Variants in EVC observed in about 807,000 individuals in gnomAD.
The protein encoded by EVC is EvC ciliary complex subunit 1.
In EVC, 116 loss-of-function variants were observed where a neutral mutation model predicts 118.9. The observed-to-expected ratio is 0.98, with a 90% CI of 0.84 to 1.14. The LOEUF is 1.14. Among genes scored for constraint, EVC ranks in the 50% most tolerant of loss-of-function variants. The pLI is 0.00. For synonymous variants in EVC, 619 were observed against 534.7 expected, an observed-to-expected ratio of 1.16 and a Z score of -2.18; for missense variants, 1,401 against 1,246.4, an observed-to-expected ratio of 1.12 and a Z score of -1.87.
chr4:5,752,627 G>A (rs564765464), intron 8 of EVC: 39 of 639,976 alleles, frequency 6.1e-5, no homozygotes, highest in Non-Finnish European at 8.4e-5. Context: ...CAGCCTCCCC[G>A]CACCCTAGGA....
At chr4:5,724,681 G>A (rs759772794) in intron 2 of EVC, among the ~76,000 whole-genome samples, 1 of 146,370 alleles carries the variant, frequency 6.8e-6, no homozygotes, top group Non-Finnish European at 1.5e-5. Flanking sequence ...GGTAGCGTAC[G>A]TTGGTGGTTT....
downstream of EVC, among the ~76,000 whole-genome samples, chr4:5,815,050 A>G (rs1441598255): frequency 6.6e-6 from 1 of 152,214 alleles, no homozygotes; most frequent in African/African-American, 2.4e-5. Context: ...CCTTACCCAG[A>G]TCCTCCAAAT....
the EVC span, among the ~76,000 whole-genome samples, chr4:5,823,335 A>G: frequency 6.6e-6 from 1 of 152,194 alleles, no homozygotes; most frequent in Non-Finnish European, 1.5e-5. Flanking sequence ...TTCTTGCAAT[A>G]CAAGTCTCCC....
intron 12 of EVC, among the ~76,000 whole-genome samples, chr4:5,784,433 C>T (rs536719694): frequency 6.6e-6 from 1 of 151,994 alleles, no homozygotes; most frequent in Non-Finnish European, 1.5e-5. Context: ...CACATTCTCC[C>T]CTATAGCCTC....
At chr4:5,745,391 G>T (rs144142557) in intron 7 of EVC, 50 bp downstream of exon 7, 12 of 1,594,854 alleles carry the variant, frequency 7.5e-6, no homozygotes, top group Non-Finnish European at 1.0e-5. Flanking sequence ...TCCTAAAACA[G>T]TTAAATTGGC....
chr4:5,777,777 G>C (rs1331116615), intron 11 of EVC, among the ~76,000 whole-genome samples: 1 of 152,102 alleles, frequency 6.6e-6, no homozygotes, highest in African/African-American at 2.4e-5. Context: ...CAGGGTTGGC[G>C]ATGAGCTTAA....
At chr4:5,793,417 T>TG (rs1713161262) in intron 12 of EVC, 191 bp from the exon 13 acceptor site, 2 of 633,970 alleles carry the variant, frequency 3.2e-6, no homozygotes, top group Non-Finnish European at 5.7e-6. Flanking sequence ...TTTGCATTTT[T>TG]CCTAAATGCA....
At chr4:5,760,409 A>G (rs1294991047) in intron 11 of EVC, among the ~76,000 whole-genome samples, 1 of 151,980 alleles carries the variant, frequency 6.6e-6, no homozygotes, top group Non-Finnish European at 1.5e-5. Flanking sequence ...ACATCAGGAG[A>G]GGGTGACAGG....
At chr4:5,822,616 G>A in the EVC span, among the ~76,000 whole-genome samples, 6 of 152,266 alleles carry the variant, frequency 3.9e-5, no homozygotes, top group African/African-American at 1.4e-4. Flanking sequence ...AGTGCCTGGA[G>A]CTCAACAAAT....
At position 5,811,162 on chromosome 4, in the gene EVC, G is replaced by C. The variant is rs1716860488; in HGVS notation, c.*125G>C. 5 of 756,758 alleles carry C rather than the reference G, an allele frequency of 6.6e-6. No homozygotes were observed. The highest frequency in any genetic ancestry group is 6.1e-5 in the South Asian group (4 of 65,168). 46.9% of individuals were successfully genotyped at this position (756,758 alleles called of 1,614,324 possible). ...CAGCGGCATCTCTAGGCTCTTCTGA[G>C]AGGGACAGAGAAAGAATAGAAATGT... is the stretch of plus-strand genomic sequence containing the variant. On this transcript the variant is annotated 3_prime_UTR_variant, in exon 21 of 21. Coordinates refer to ENST00000264956, the MANE Select transcript of EVC (RefSeq NM_153717.3).
At position 5,756,142 on chromosome 4, in the gene EVC, A is replaced by T. The variant is rs1731129722; in HGVS notation, c.1465-122A>T. On this transcript the variant is annotated intron_variant, in intron 10 of 20. Transcript: ENST00000264956. The surrounding 1 kb of genome is among the most constrained non-coding windows in gnomAD (Gnocchi z 4.2). ...CCCATGCCTCAGTTTCCTTGTGTGT[A>T]ATACAGGTGCCAACATCCTTCTTTC... 1.3e-6 allele frequency: 1 copy of T among 769,016 alleles called. No individual in the cohort carries two copies. The highest frequency in any genetic ancestry group is 2.2e-6 in the Non-Finnish European group (1 of 450,054). 47.6% of individuals were successfully genotyped at this position (769,016 alleles called of 1,614,324 possible). A position where few individuals can be genotyped will look rare whatever the true frequency, so the allele number is the denominator to read the frequency against.
intron 11 of EVC, among the ~76,000 whole-genome samples, chr4:5,766,222 G>A (rs531628137): frequency 9.9e-5 from 15 of 151,632 alleles, no homozygotes; most frequent in Admixed American, 6.6e-4. Context: ...AAGAATGTTG[G>A]ATATTGGCCC....
chr4:5,804,874 G>T, intron 17 of EVC, 33 bp downstream of exon 17: 1 of 1,548,928 alleles, frequency 6.5e-7, no homozygotes, highest in South Asian at 1.1e-5. Flanking sequence ...ACGTAGGGCT[G>T]TTCTCTACCC....
intron 2 of EVC, among the ~76,000 whole-genome samples, chr4:5,727,130 C>T (rs1475844894): frequency 2.0e-5 from 3 of 152,014 alleles, no homozygotes; most frequent in Admixed American, 2.0e-4. Context: ...AGTTCTAGAT[C>T]CCTGAGGAAT....
intron 11 of EVC, among the ~76,000 whole-genome samples, chr4:5,764,454 T>C (rs1336392361): frequency 6.3e-5 from 9 of 143,874 alleles, no homozygotes; most frequent in African/African-American, 2.3e-4. Flanking sequence ...TTTCTATTGA[T>C]TGGAATAGTT....
the EVC span, among the ~76,000 whole-genome samples, chr4:5,822,244 C>G: frequency 5.3e-5 from 8 of 152,326 alleles, 1 homozygote; most frequent in African/African-American, 1.9e-4. Context: ...TCCCAACTTA[C>G]GGGTGAGCAA....
chr4:5,727,981 T>A (rs1431722334), intron 2 of EVC, among the ~76,000 whole-genome samples: 1 of 150,794 alleles, frequency 6.6e-6, no homozygotes, highest in Non-Finnish European at 1.5e-5. Flanking sequence ...TGTAGACTTG[T>A]AGTATAGTTT....
intron 11 of EVC, among the ~76,000 whole-genome samples, chr4:5,776,847 T>TA (rs1403528593): frequency 6.8e-6 from 1 of 147,658 alleles, no homozygotes; most frequent in Non-Finnish European, 1.5e-5. Flanking sequence ...CTAGAACTGC[T>TA]AGTTGGCTCT....
intron 12 of EVC, among the ~76,000 whole-genome samples, chr4:5,791,969 C>T (rs185800139): frequency 6.6e-6 from 1 of 152,250 alleles, no homozygotes; most frequent in Admixed American, 6.5e-5. Flanking sequence ...ATCTGTTCAG[C>T]CTTAGGGGAG....
Sources: gnomAD v4.1 joint callset for allele counts (sites outside exome capture counted in the v4.1 genomes callset) on GRCh38, gnomAD v4.1.1 for gene constraint, Gnocchi (gnomAD v3.1) non-coding constraint, MANE v1.5 for transcripts, NCBI Gene and HGNC (gene_info 2026-07-23, HGNC 2026-07-21) for gene names.